The following COL6A3 variants were observed in gnomAD, a reference collection of about 807,000 sequenced individuals.
COL6A3 encodes the protein collagen alpha-3(VI) chain.
COL6A3 carries 137 observed loss-of-function variants against 274.1 expected under a neutral mutation model. That is an observed-to-expected ratio of 0.50 (90% CI 0.44 to 0.58). COL6A3 has a LOEUF of 0.58. Among genes scored for constraint, COL6A3 ranks in the 20% least tolerant of loss-of-function variants. COL6A3 has a pLI of 0.00. For missense variants in COL6A3, 3,950 were observed against 4,124.9 expected (o/e 0.96, Z 1.16); for synonymous variants, 1,650 against 1,650.6 (o/e 1.00, Z 0.01).
intron 25 of COL6A3, 84 bp from the exon 26 acceptor site, chr2:237,352,668 G>C (rs755568438): frequency 4.4e-5 from 59 of 1,327,060 alleles, no homozygotes; most frequent in Non-Finnish European, 5.6e-5. Flanking sequence ...CATCCCACAG[G>C]GCCTGGAACC....
In COL6A3 at chr2:237,413,586, A is replaced by G. The variant is rs2078907762; in HGVS notation, c.-31+367T>C. On this transcript the variant is annotated intron_variant, in intron 1 of 43. Coordinates refer to ENST00000295550, the MANE Select transcript of COL6A3 (RefSeq NM_004369.4). This position sits in a 1 kb window ranked among gnomAD's most constrained non-coding sequence, Gnocchi z 4.0. ...AGGGAGCTATGCTAGTCCTCAGCAA[A>G]GACGCTTCTGCAAACAAAGCGGATC... Among the ~76,000 whole-genome samples, 1 of 152,196 alleles carries G rather than the reference A, an allele frequency of 6.6e-6. No individual in the cohort carries two copies. The highest frequency in any genetic ancestry group is 2.1e-4 in the South Asian group (1 of 4,832).
At chr2:237,403,159 G>A (rs766456142) in intron 1 of COL6A3, among the ~76,000 whole-genome samples, 6 of 152,114 alleles carry the variant, frequency 3.9e-5, no homozygotes, top group Admixed American at 1.3e-4. Context: ...GCTCAGTCCC[G>A]TGGATTTGCC....
At chr2:237,325,274 A>G (rs1699880798) in intron 43 of COL6A3, among the ~76,000 whole-genome samples, 1 of 152,286 alleles carries the variant, frequency 6.6e-6, no homozygotes, top group African/African-American at 2.4e-5. Flanking sequence ...GTTGTTCATT[A>G]TATTATCTTC....
intron 42 of COL6A3, chr2:237,329,683 C>T (rs1700122739): frequency 1.3e-5 from 2 of 152,190 alleles, no homozygotes; most frequent in Non-Finnish European, 2.9e-5. Flanking sequence ...TCACATGGAA[C>T]ATGGCCAACC....
chr2:237,360,673 T>C (rs1192620697), intron 16 of COL6A3, among the ~76,000 whole-genome samples: 1 of 151,984 alleles, frequency 6.6e-6, no homozygotes, highest in Non-Finnish European at 1.5e-5. Flanking sequence ...GCTACTGGGG[T>C]CTGTCCATCC....
Position 237,369,157 on chromosome 2 carries a change from C to A in COL6A3, c.4306G>T (p.Asp1436Tyr), listed in dbSNP as rs1168273415. Residue 1436 changes from aspartate to tyrosine, a missense_variant, in exon 10 of 44, where the codon GAC becomes TAC. Physicochemically the swap from Asp to Tyr is radical, Grantham distance 160. This residue lies in a region of COL6A3 where 1,934 missense variants were observed against 1,984.3 expected (regional missense o/e 0.97). Transcript: ENST00000295550. ...GAGCTGTCGATCAGAAAGACAATGT[C>A]TGCAGCATCACTCTCAACTGCTGCA... ...PPPAVESDAA[D>Y]IVFLIDSSEG... 1 of 1,612,190 alleles carries A rather than the reference C, an allele frequency of 6.2e-7. No homozygotes were observed. The highest frequency in any genetic ancestry group is 8.5e-7 in the Non-Finnish European group (1 of 1,180,046).
At chr2:237,325,403 C>A (rs777275671) in intron 43 of COL6A3, among the ~76,000 whole-genome samples, 157 bp downstream of exon 43, 6 of 152,154 alleles carry the variant, frequency 3.9e-5, no homozygotes, top group Admixed American at 2.0e-4. Context: ...AAAGACATTT[C>A]ATGGGTTGTA....
intron 1 of COL6A3, among the ~76,000 whole-genome samples, chr2:237,401,990 T>A (rs2078602670): frequency 6.6e-6 from 1 of 152,112 alleles, no homozygotes; most frequent in Non-Finnish European, 1.5e-5. Context: ...CGGCCTACTG[T>A]ATTATACTAA....
intron 13 of COL6A3, 93 bp from the exon 14 acceptor site, chr2:237,363,491 G>T (rs2077484019): frequency 1.4e-6 from 2 of 1,440,986 alleles, no homozygotes; most frequent in Non-Finnish European, 1.9e-6. Flanking sequence ...GAAAACTTCA[G>T]TGTAAAATTT....
Position 237,413,153 on chromosome 2 carries a change from C to A in COL6A3, c.-31+800G>T, listed in dbSNP as rs1270817607. On this transcript the variant is annotated intron_variant, in intron 1 of 43. Coordinates refer to ENST00000295550, the MANE Select transcript of COL6A3 (RefSeq NM_004369.4). This position sits in a 1 kb window ranked among gnomAD's most constrained non-coding sequence, Gnocchi z 4.0. ...CTGCATCCTCCGGGCCAGAGAACAG[C>A]CCTCGGGGCCTCCCAGCTCGGCACT... 6.6e-6 allele frequency among the ~76,000 whole-genome samples: 1 copy of A among 152,350 alleles called. No individual in the cohort carries two copies. The highest frequency in any genetic ancestry group is 1.9e-4 in the East Asian group (1 of 5,178).
chr2:237,330,680 G>A (rs954108793), intron 42 of COL6A3, among the ~76,000 whole-genome samples: 1 of 152,268 alleles, frequency 6.6e-6, no homozygotes, highest in Middle Eastern at 3.4e-3. Flanking sequence ...AGATCTTATG[G>A]AGGACAAAAA....
chr2:237,351,196 G>A lies in COL6A3; in HGVS notation c.6754-4C>T. ...CACCAGCGGCACCTCCGCTTCCCTGGAGCAGGAGGGGAGGAATGTGTCAGT... is the reference window on the plus strand; with the variant it reads ...CACCAGCGGCACCTCCGCTTCCCTGAAGCAGGAGGGGAGGAATGTGTCAGT... On this transcript the variant is annotated splice_region_variant and splice_polypyrimidine_tract_variant and intron_variant, in intron 26 of 43. Transcript: ENST00000295550. The A allele has an allele frequency of 1.2e-6, 2 of 1,614,114 alleles. No individual in the cohort carries two copies. The highest frequency in any genetic ancestry group is 2.2e-5 in the East Asian group (1 of 44,884).
At chr2:237,393,491 T>C (rs1456845132) in intron 3 of COL6A3, among the ~76,000 whole-genome samples, 1 of 152,156 alleles carries the variant, frequency 6.6e-6, no homozygotes, top group Non-Finnish European at 1.5e-5. Context: ...ACACAGCCCC[T>C]TTTCTCATGC....
In COL6A3 at chr2:237,372,109, C is replaced by T. The variant is rs766355408; in HGVS notation, c.3908G>A (p.Arg1303Lys). 3.7e-6 allele frequency: 6 copies of T among 1,613,942 alleles called. No individual in the cohort carries two copies. Among genetic ancestry groups the T allele is most frequent in the Non-Finnish European group, 5.1e-6 (6 of 1,180,044 alleles). ...GTTGATCTGCCGCCCTCCCTTGGGCCTCAGCCGCTGCACCGCGTTCTGCAC... is the reference window on the plus strand; with the variant it reads ...GTTGATCTGCCGCCCTCCCTTGGGCTTCAGCCGCTGCACCGCGTTCTGCAC... Reference protein sequence around the residue: ...DEVQNAVQRLRPKGGRQINVG... With the variant: ...DEVQNAVQRLKPKGGRQINVG... Residue 1303 changes from arginine to lysine, a missense_variant, in exon 9 of 44, where the codon AGG becomes AAG. Physicochemically the swap from Arg to Lys is conservative, Grantham distance 26. This residue lies in a region of COL6A3 where 1,934 missense variants were observed against 1,984.3 expected (regional missense o/e 0.97). Coordinates refer to ENST00000295550, the MANE Select transcript of COL6A3 (RefSeq NM_004369.4).
chr2:237,339,861 G>A (rs1465925473), intron 38 of COL6A3, among the ~76,000 whole-genome samples: 1 of 152,140 alleles, frequency 6.6e-6, no homozygotes, highest in Non-Finnish European at 1.5e-5. Flanking sequence ...AGGGTGTCCG[G>A]ATTAACCATG....
chr2:237,402,028 A>T (rs1401142420), intron 1 of COL6A3, among the ~76,000 whole-genome samples: 2 of 152,164 alleles, frequency 1.3e-5, no homozygotes, highest in Non-Finnish European at 2.9e-5. Flanking sequence ...TACAAGGAAT[A>T]TTATTCAGCT....
chr2:237,337,345 G>T (rs1700601582), intron 39 of COL6A3, among the ~76,000 whole-genome samples: 2 of 152,148 alleles, frequency 1.3e-5, no homozygotes, highest in Non-Finnish European at 2.9e-5. Context: ...AATCATTAGA[G>T]CCTAGAAAAA....
chr2:237,360,662 T>C (rs1342828079), intron 16 of COL6A3, among the ~76,000 whole-genome samples: 1 of 152,154 alleles, frequency 6.6e-6, no homozygotes, highest in South Asian at 2.1e-4. Context: ...CCATGGACCC[T>C]GCTACTGGGG....
Position 237,388,010 on chromosome 2 carries a change from G to C in COL6A3, c.884C>G (p.Ser295Cys). 1 of 1,614,232 alleles carries C rather than the reference G, an allele frequency of 6.2e-7. No homozygotes were observed. ...GGCCTTGGTGGAGTAGGTGTCCAAG[G>C]AGAACATGGTTCTGGGCTCATCGCT... ...QFSDEPRTMF[S>C]LDTYSTKAQV... The change falls in exon 4 of 44, where the codon TCC becomes TGC. Residue 295 changes from serine to cysteine, a missense_variant. Transcript: ENST00000295550.
Sources: gnomAD v4.1 joint callset for allele counts (sites outside exome capture counted in the v4.1 genomes callset) on GRCh38, gnomAD v4.1.1 for gene constraint, gnomAD v4.1.1 regional missense constraint, Gnocchi (gnomAD v3.1) non-coding constraint, MANE v1.5 for transcripts, NCBI Gene and HGNC (gene_info 2026-07-23, HGNC 2026-07-21) for gene names.